The following NRARP variants were observed in gnomAD, a reference collection of about 807,000 sequenced individuals.
NRARP encodes notch-regulated ankyrin repeat-containing protein.
For missense variants in NRARP, 83 were observed against 161.1 expected, an observed-to-expected ratio of 0.52 and a Z score of 2.62; for synonymous variants, 81 against 77.4, an observed-to-expected ratio of 1.05 and a Z score of -0.25.
In NRARP at chr9:137,301,355, T is replaced by TG. The variant is rs1830952558; in HGVS notation, c.*228dup. 5.2e-6 allele frequency: 1 copy of TG among 191,614 alleles called. No homozygotes were observed. The highest frequency in any genetic ancestry group is 1.1e-5 in the Non-Finnish European group (1 of 95,000). 11.9% of individuals were successfully genotyped at this position (191,614 alleles called of 1,614,324 possible). A position where few individuals can be genotyped will look rare whatever the true frequency, so the allele number is the denominator to read the frequency against. On this transcript the variant is annotated 3_prime_UTR_variant, in exon 1 of 1. Coordinates refer to ENST00000356628, the MANE Select transcript of NRARP (RefSeq NM_001004354.3). This position sits in a 1 kb window ranked among gnomAD's most constrained non-coding sequence, Gnocchi z 9.1. ...GCGAGGCGGCGGGCAGGCGAGCGGG[T>TG]GGGGGCCGTGGGAAGCTGCTCCGGC...
Position 137,301,600 on chromosome 9 carries a change from G to A in NRARP, c.329C>T (p.Ala110Val), listed in dbSNP as rs1023479254. 1.8e-5 allele frequency: 29 copies of A among 1,578,204 alleles called. No individual in the cohort carries two copies. Among genetic ancestry groups the A allele is most frequent in the Non-Finnish European group, 2.2e-5 (26 of 1,158,788 alleles). ...CGGCGGGCATCACCGGCCGCTGGCC[G>A]CGTACTTCGCCTTGGTGATGAGATA... ...VLYLITKAKYAASGR is the reference protein window; with the variant it reads ...VLYLITKAKYVASGR The change falls in exon 1 of 1, where the codon GCG becomes GTG. Residue 110 changes from alanine (A) to valine (V), a missense_variant. By Grantham distance (64) the Ala-to-Val change is moderately conservative. Coordinates refer to ENST00000356628, the MANE Select transcript of NRARP (RefSeq NM_001004354.3). The surrounding 1 kb of genome is among the most constrained non-coding windows in gnomAD (Gnocchi z 9.1).
Position 137,300,230 on chromosome 9 carries a change from C to T in NRARP, c.*1354G>A, listed in dbSNP as rs988650593. ...GGAGAACCTCCCCGGGCCCAGGTCTCGACGCAACCCCTCCCCCACGGCAGG... is the reference window on the plus strand; with the variant it reads ...GGAGAACCTCCCCGGGCCCAGGTCTTGACGCAACCCCTCCCCCACGGCAGG... On this transcript the variant is annotated 3_prime_UTR_variant, in exon 1 of 1. Coordinates refer to ENST00000356628, the MANE Select transcript of NRARP (RefSeq NM_001004354.3). Among the ~76,000 whole-genome samples the T allele has an allele frequency of 6.6e-6, 1 of 152,084 alleles. No homozygotes were observed. Among genetic ancestry groups the T allele is most frequent in the African/African-American group, 2.4e-5 (1 of 41,404 alleles).
At position 137,300,956 on chromosome 9, in the gene NRARP, C is replaced by T. The variant is rs1830946426; in HGVS notation, c.*628G>A. On this transcript the variant is annotated 3_prime_UTR_variant, in exon 1 of 1. Coordinates refer to ENST00000356628, the MANE Select transcript of NRARP (RefSeq NM_001004354.3). Reference sequence around the variant, plus strand: ...TCACTCCCCCCCATAACCACATTGACCACGCAGTGTTTTCCAAACAAAAAA... The same window carrying T: ...TCACTCCCCCCCATAACCACATTGATCACGCAGTGTTTTCCAAACAAAAAA... 1 of 152,338 alleles carries T rather than the reference C, an allele frequency of 6.6e-6. No individual in the cohort carries two copies. The highest frequency in any genetic ancestry group is 1.5e-5 in the Non-Finnish European group (1 of 68,048). The allele number at this position is 152,338 out of a possible 1,614,324, so 9.4% of individuals were successfully genotyped here. A position where few individuals can be genotyped will look rare whatever the true frequency, so the allele number is the denominator to read the frequency against.
rs768852569 is a variant in NRARP at position 137,301,550 on chromosome 9, G to A, written c.*34C>T. On this transcript the variant is annotated 3_prime_UTR_variant, in exon 1 of 1. Transcript: ENST00000356628. The surrounding 1 kb of genome is among the most constrained non-coding windows in gnomAD (Gnocchi z 9.1). ...GGGAAGGTACAGCAGAGACGACGCG[G>A]GCGCAGGGCCGGGGTCCGGGGTCCC... The A allele has an allele frequency of 8.2e-6, 12 of 1,456,008 alleles. No individual in the cohort carries two copies. Among genetic ancestry groups the A allele is most frequent in the African/African-American group, 1.4e-5 (1 of 71,146 alleles). 90.2% of individuals were successfully genotyped at this position (1,456,008 alleles called of 1,614,324 possible). A position where few individuals can be genotyped will look rare whatever the true frequency, so the allele number is the denominator to read the frequency against.
Position 137,301,258 on chromosome 9 carries a change from C to T in NRARP, c.*326G>A, listed in dbSNP as rs1830951280. The stretch of plus-strand genomic sequence containing the variant: ...ATTTTGCGCAGAGGATCCGGTATCT[C>T]GGGATTCCGAACTTGCTGGTTGCGA... On this transcript the variant is annotated 3_prime_UTR_variant, in exon 1 of 1. Coordinates refer to ENST00000356628, the MANE Select transcript of NRARP (RefSeq NM_001004354.3). The surrounding 1 kb of genome is among the most constrained non-coding windows in gnomAD (Gnocchi z 9.1). 6.6e-6 allele frequency: 1 copy of T among 152,502 alleles called. No homozygotes were observed. The highest frequency in any genetic ancestry group is 1.9e-4 in the East Asian group (1 of 5,192). The allele number at this position is 152,502 out of a possible 1,614,324, so 9.4% of individuals were successfully genotyped here.
Position 137,300,876 on chromosome 9 carries a change from G to A in NRARP, c.*708C>T, listed in dbSNP as rs1460755430. On this transcript the variant is annotated 3_prime_UTR_variant, in exon 1 of 1. Coordinates refer to ENST00000356628, the MANE Select transcript of NRARP (RefSeq NM_001004354.3). Reference sequence around the variant, plus strand: ...CATCAGGCTGGGCGGTATTTTCAGTGCAACCAAGAAATGGTAGACTCAAGT... The same window carrying A: ...CATCAGGCTGGGCGGTATTTTCAGTACAACCAAGAAATGGTAGACTCAAGT... 1 of 152,340 alleles carries A rather than the reference G, an allele frequency of 6.6e-6. No homozygotes were observed. Among genetic ancestry groups the A allele is most frequent in the Non-Finnish European group, 1.5e-5 (1 of 68,018 alleles). 9.4% of individuals were successfully genotyped at this position (152,340 alleles called of 1,614,324 possible).
rs1830963447 is a variant in NRARP, at chr9:137,302,199, G to A, written c.-271C>T. 2.1e-5 allele frequency: 3 copies of A among 146,138 alleles called. No homozygotes were observed. The highest frequency in any genetic ancestry group is 7.4e-5 in the African/African-American group (3 of 40,778). The allele number at this position is 146,138 out of a possible 1,614,324, so 9.1% of individuals were successfully genotyped here. A position where few individuals can be genotyped will look rare whatever the true frequency, so the allele number is the denominator to read the frequency against. ...CCGGCCGGGGACGGCGGCGCCGCGC[G>A]GTCCCGGTCCCTACTCGGTTCGGCT... On this transcript the variant is annotated 5_prime_UTR_variant, in exon 1 of 1. Transcript: ENST00000356628. This position sits in a 1 kb window ranked among gnomAD's most constrained non-coding sequence, Gnocchi z 4.8.
rs1428729428 is a variant in NRARP, at chr9:137,301,588, C to A, written c.341G>T (p.Arg114Leu). 23 of 1,558,146 alleles carry A rather than the reference C, an allele frequency of 1.5e-5. No individual in the cohort carries two copies. The highest frequency in any genetic ancestry group is 1.9e-5 in the Non-Finnish European group (22 of 1,149,708). ...ITKAKYAASG[R>L] ...GGTCCGGGGTCCCGGCGGGCATCAC[C>A]GGCCGCTGGCCGCGTACTTCGCCTT... is the stretch of plus-strand genomic sequence containing the variant. Residue 114 changes from arginine to leucine, a missense_variant, in exon 1 of 1, where the codon CGG becomes CTG. Transcript: ENST00000356628. The surrounding 1 kb of genome is among the most constrained non-coding windows in gnomAD (Gnocchi z 9.1).
At position 137,300,407 on chromosome 9, in the gene NRARP, A is replaced by G. The variant is rs1036953701; in HGVS notation, c.*1177T>C. ...ATGGGTACACTCTGTTGCCTTCACAACGCTGGATACATCGCCCTTTAAAAT... is the reference window on the plus strand; with the variant it reads ...ATGGGTACACTCTGTTGCCTTCACAGCGCTGGATACATCGCCCTTTAAAAT... On this transcript the variant is annotated 3_prime_UTR_variant, in exon 1 of 1. Transcript: ENST00000356628. 2 of 152,198 alleles carry G rather than the reference A, an allele frequency of 1.3e-5. No individual in the cohort carries two copies. The highest frequency in any genetic ancestry group is 2.9e-5 in the Non-Finnish European group (2 of 68,034). The allele number at this position is 152,198 out of a possible 1,614,324, so 9.4% of individuals were successfully genotyped here. A position where few individuals can be genotyped will look rare whatever the true frequency, so the allele number is the denominator to read the frequency against.
chr9:137,302,111 C>T lies in NRARP; in HGVS notation c.-183G>A. On this transcript the variant is annotated 5_prime_UTR_variant, in exon 1 of 1. Transcript: ENST00000356628. The surrounding 1 kb of genome is among the most constrained non-coding windows in gnomAD (Gnocchi z 4.8). The stretch of plus-strand genomic sequence containing the variant: ...CCGGGGGTCGCCGCCGCGGGGACCC[C>T]GCCGCATCCAGCCGCGCCCGGGTGG... 6.8e-6 allele frequency: 1 copy of T among 146,962 alleles called. No individual in the cohort carries two copies. Among genetic ancestry groups the T allele is most frequent in the Non-Finnish European group, 1.5e-5 (1 of 67,062 alleles). 9.1% of individuals were successfully genotyped at this position (146,962 alleles called of 1,614,324 possible).
At position 137,301,694 on chromosome 9, in the gene NRARP, G is replaced by C. The variant is rs1293984547; in HGVS notation, c.235C>G (p.Leu79Val). ...LLVKFGADIR[L>V]ANRDGWSALH... Reference sequence around the variant, plus strand: ...GCGCTCCAGCCGTCGCGGTTGGCCAGGCGGATGTCGGCGCCGAACTTGACC... The same window carrying C: ...GCGCTCCAGCCGTCGCGGTTGGCCACGCGGATGTCGGCGCCGAACTTGACC... The change falls in exon 1 of 1, where the codon CTG becomes GTG. Residue 79 changes from leucine (L) to valine (V), a missense_variant. Physicochemically the swap from Leu to Val is conservative, Grantham distance 32. Coordinates refer to ENST00000356628, the MANE Select transcript of NRARP (RefSeq NM_001004354.3). This position sits in a 1 kb window ranked among gnomAD's most constrained non-coding sequence, Gnocchi z 9.1. The C allele has an allele frequency of 6.2e-7, 1 of 1,611,380 alleles. No individual in the cohort carries two copies. Among genetic ancestry groups the C allele is most frequent in the Non-Finnish European group, 8.5e-7 (1 of 1,179,450 alleles).
rs1346122196 is a variant in NRARP, at chr9:137,301,117, G to C, written c.*467C>G. ...ACCTCGGACCTCGGGGCTGCTCCTC[G>C]GCTGCAGCCGGCATCGGCGCGTCCC... On this transcript the variant is annotated 3_prime_UTR_variant, in exon 1 of 1. Coordinates refer to ENST00000356628, the MANE Select transcript of NRARP (RefSeq NM_001004354.3). This position sits in a 1 kb window ranked among gnomAD's most constrained non-coding sequence, Gnocchi z 9.1. The C allele has an allele frequency of 2.0e-5, 3 of 152,074 alleles. No individual in the cohort carries two copies. Among genetic ancestry groups the C allele is most frequent in the Non-Finnish European group, 4.4e-5 (3 of 67,978 alleles). The allele number at this position is 152,074 out of a possible 1,614,324, so 9.4% of individuals were successfully genotyped here. A position where few individuals can be genotyped will look rare whatever the true frequency, so the allele number is the denominator to read the frequency against.
Position 137,302,247 on chromosome 9 carries a change from G to C in NRARP, c.-319C>G, listed in dbSNP as rs1830964414. 6.8e-6 allele frequency: 1 copy of C among 146,540 alleles called. No homozygotes were observed. Among genetic ancestry groups the C allele is most frequent in the South Asian group, 2.1e-4 (1 of 4,822 alleles). 9.1% of individuals were successfully genotyped at this position (146,540 alleles called of 1,614,324 possible). On this transcript the variant is annotated 5_prime_UTR_variant, in exon 1 of 1. Transcript: ENST00000356628. This position sits in a 1 kb window ranked among gnomAD's most constrained non-coding sequence, Gnocchi z 4.8. ...GCTGCGGCTCCCACGCGGTCCCAAGGCGCCTCCCCACGCGCCGCAGCACTA... is the reference window on the plus strand; with the variant it reads ...GCTGCGGCTCCCACGCGGTCCCAAGCCGCCTCCCCACGCGCCGCAGCACTA...
rs1010209591 is a variant in NRARP, at chr9:137,302,162, C to A, written c.-234G>T. 1.4e-5 allele frequency: 2 copies of A among 145,532 alleles called. No homozygotes were observed. Among genetic ancestry groups the A allele is most frequent in the African/African-American group, 2.5e-5 (1 of 40,622 alleles). 9.0% of individuals were successfully genotyped at this position (145,532 alleles called of 1,614,324 possible). On this transcript the variant is annotated 5_prime_UTR_variant, in exon 1 of 1. Transcript: ENST00000356628. This position sits in a 1 kb window ranked among gnomAD's most constrained non-coding sequence, Gnocchi z 4.8. ...GCGACGGGGGCGCGCGCTCGGCTCG[C>A]GGGGGCCGGGCCCGGCCGGGGACGG...
In NRARP at chr9:137,301,130, A is replaced by C. The variant is rs1053188519; in HGVS notation, c.*454T>G. ...GGGCTGCTCCTCGGCTGCAGCCGGC[A>C]TCGGCGCGTCCCGGGCCTGCGGGCG... On this transcript the variant is annotated 3_prime_UTR_variant, in exon 1 of 1. Transcript: ENST00000356628. This position sits in a 1 kb window ranked among gnomAD's most constrained non-coding sequence, Gnocchi z 9.1. The C allele has an allele frequency of 2.0e-5, 3 of 151,234 alleles. No individual in the cohort carries two copies. The highest frequency in any genetic ancestry group is 7.3e-5 in the African/African-American group (3 of 41,276). The allele number at this position is 151,234 out of a possible 1,614,324, so 9.4% of individuals were successfully genotyped here.
At position 137,300,143 on chromosome 9, in the gene NRARP, T is replaced by C. The variant is rs1410588215; in HGVS notation, c.*1441A>G. Among the ~76,000 whole-genome samples, 1 of 152,118 alleles carries C rather than the reference T, an allele frequency of 6.6e-6. No individual in the cohort carries two copies. Among genetic ancestry groups the C allele is most frequent in the African/African-American group, 2.4e-5 (1 of 41,422 alleles). ...ATCAAAACAACAAGGGGTGTGGGGC[T>C]GCATAGAAAATTGGAGCCACAGAAA... is the stretch of plus-strand genomic sequence containing the variant. On this transcript the variant is annotated 3_prime_UTR_variant, in exon 1 of 1. Coordinates refer to ENST00000356628, the MANE Select transcript of NRARP (RefSeq NM_001004354.3).
chr9:137,301,547 G>C lies in NRARP; in HGVS notation c.*37C>G, dbSNP rs1372880578. ...GGCGGGAAGGTACAGCAGAGACGAC[G>C]CGGGCGCAGGGCCGGGGTCCGGGGT... On this transcript the variant is annotated 3_prime_UTR_variant, in exon 1 of 1. Coordinates refer to ENST00000356628, the MANE Select transcript of NRARP (RefSeq NM_001004354.3). This position sits in a 1 kb window ranked among gnomAD's most constrained non-coding sequence, Gnocchi z 9.1. 1 of 1,434,106 alleles carries C rather than the reference G, an allele frequency of 7.0e-7. No homozygotes were observed. Among genetic ancestry groups the C allele is most frequent in the Non-Finnish European group, 9.5e-7 (1 of 1,052,092 alleles). 88.8% of individuals were successfully genotyped at this position (1,434,106 alleles called of 1,614,324 possible).
rs374734196 is a variant in NRARP at position 137,301,521 on chromosome 9, T to C, written c.*63A>G. 2 of 1,156,496 alleles carry C rather than the reference T, an allele frequency of 1.7e-6. No individual in the cohort carries two copies. The highest frequency in any genetic ancestry group is 2.4e-6 in the Non-Finnish European group (2 of 847,868). The allele number at this position is 1,156,496 out of a possible 1,614,324, so 71.6% of individuals were successfully genotyped here. ...CGAGCCGGGCGCGCACCGAGGTAGT[T>C]GGCGGGAAGGTACAGCAGAGACGAC... On this transcript the variant is annotated 3_prime_UTR_variant, in exon 1 of 1. Coordinates refer to ENST00000356628, the MANE Select transcript of NRARP (RefSeq NM_001004354.3). This position sits in a 1 kb window ranked among gnomAD's most constrained non-coding sequence, Gnocchi z 9.1.
rs1053519459 is a variant in NRARP, at chr9:137,299,722, A to G, written c.*1862T>C. 1.3e-5 allele frequency among the ~76,000 whole-genome samples: 2 copies of G among 152,214 alleles called. No individual in the cohort carries two copies. The highest frequency in any genetic ancestry group is 2.9e-5 in the Non-Finnish European group (2 of 68,046). ...GGCTACAGGTCAATATCGTACACTC[A>G]GGAATGTGCTGCACAAACTTTATCC... On this transcript the variant is annotated 3_prime_UTR_variant, in exon 1 of 1. Transcript: ENST00000356628.
Sources: allele counts gnomAD v4.1 joint callset (sites outside exome capture counted in the v4.1 genomes callset), GRCh38; gene constraint gnomAD v4.1.1; non-coding constraint Gnocchi (gnomAD v3.1); transcripts MANE v1.5; gene names NCBI Gene and HGNC (gene_info 2026-07-23, HGNC 2026-07-21).